Variants in DDX60L observed in about 807,000 individuals in gnomAD.
DDX60L encodes DExD/H-box 60 like.
Under a neutral mutation model 211.6 loss-of-function variants are expected in DDX60L, and 191 were observed. That is an observed-to-expected ratio of 0.90 (90% confidence interval 0.80 to 1.02). The LOEUF is 1.02. DDX60L is among the 50% of genes least tolerant of loss of function. DDX60L has a pLI of 0.00. For missense variants in DDX60L, 2,007 were observed against 1,984.1 expected (o/e 1.01, Z -0.22); for synonymous variants, 706 against 694.1 (o/e 1.02, Z -0.27).
Position 168,461,468 on chromosome 4 carries a change from C to G in DDX60L, c.606+231G>C, listed in dbSNP as rs147868469. 3.1e-3 allele frequency among the ~76,000 whole-genome samples: 469 copies of G among 152,156 alleles called. 22 individuals are homozygous for G. The East Asian group carries it at 0.081, about 26-fold the overall frequency. On this transcript the variant is annotated intron_variant, in intron 5 of 37. Coordinates refer to ENST00000682922, the MANE Select transcript of DDX60L (RefSeq NM_001012967.3). ...ATATGAATAGATAGATATAATAATG[C>G]TACAAACCTTATAGGAGTACCCTGA...
intron 13 of DDX60L, among the ~76,000 whole-genome samples, chr4:168,427,643 C>A (rs2149916388): frequency 6.6e-6 from 1 of 152,278 alleles, no homozygotes; most frequent in East Asian, 1.9e-4. Flanking sequence ...GATTGTAGGG[C>A]AGCTTCTTGG....
rs1749376992 is a variant in DDX60L, at chr4:168,415,425, C to G, written c.2962G>C (p.Ala988Pro). The change falls in exon 22 of 38, where the codon GCG becomes CCG. Residue 988 changes from alanine to proline, a missense_variant. Physicochemically the swap from Ala to Pro is conservative, Grantham distance 27. Coordinates refer to ENST00000682922, the MANE Select transcript of DDX60L (RefSeq NM_001012967.3). The part of the protein sequence containing the change: ...VYFDHFHPCA[A>P]LTTDIIEKYG... The stretch of plus-strand genomic sequence containing the variant: ...ATACTTACAATATCTGTCGTTAGCG[C>G]AGCACAGGGATGAAAATGATCAAAA... 1 of 1,603,364 alleles carries G rather than the reference C, an allele frequency of 6.2e-7. No individual in the cohort carries two copies. Among genetic ancestry groups the G allele is most frequent in the Non-Finnish European group, 8.5e-7 (1 of 1,174,444 alleles).
At chr4:168,443,766 C>G (rs1754312739) in intron 9 of DDX60L, among the ~76,000 whole-genome samples, 2 of 150,286 alleles carry the variant, frequency 1.3e-5, no homozygotes, top group African/African-American at 4.9e-5. Flanking sequence ...AATTTCATAT[C>G]CAGCCAAACT....
rs757111143 is a variant in DDX60L at position 168,379,361 on chromosome 4, AC to A, written c.4363+1del. ...GACTACAGGTATAAAACCCAAGCTT[AC>A]CTTTCCAGGCTGGCTTACAGAGATT... On this transcript the variant is annotated splice_donor_variant, in intron 32 of 37. Transcript: ENST00000682922. LOFTEE classifies it high-confidence loss of function. The A allele has an allele frequency of 6.4e-7, 1 of 1,557,322 alleles. No individual in the cohort carries two copies. The highest frequency in any genetic ancestry group is 8.6e-7 in the Non-Finnish European group (1 of 1,161,050).
intron 6 of DDX60L, among the ~76,000 whole-genome samples, chr4:168,457,036 C>G (rs1424703909): frequency 6.6e-6 from 1 of 151,784 alleles, no homozygotes; most frequent in African/African-American, 2.4e-5. Context: ...CAAAGTGAGA[C>G]ACCATCTCTA....
In DDX60L at chr4:168,415,676, T is replaced by C; in HGVS notation, c.2850A>G (p.Gln950=). Residue 950 remains glutamine, a synonymous_variant, in exon 21 of 38, where the codon CAA becomes CAG. Coordinates refer to ENST00000682922, the MANE Select transcript of DDX60L (RefSeq NM_001012967.3). ...NFLQDHSYKN[Q]SYEVRLVLCG... is the part of the protein sequence containing the mutation. Reference sequence around the variant, plus strand: ...GCTTACCAAGTCTAACTTCATATGATTGATTTTTATATGAATGGTCTTGGA... The same window carrying C: ...GCTTACCAAGTCTAACTTCATATGACTGATTTTTATATGAATGGTCTTGGA... The C allele has an allele frequency of 6.3e-7, 1 of 1,592,898 alleles. No individual in the cohort carries two copies. Among genetic ancestry groups the C allele is most frequent in the South Asian group, 1.2e-5 (1 of 85,730 alleles).
At chr4:168,412,475 G>A (rs544535885) in intron 22 of DDX60L, among the ~76,000 whole-genome samples, 9 of 152,132 alleles carry the variant, frequency 5.9e-5, no homozygotes, top group South Asian at 2.1e-4. Context: ...GGCCAGGGCC[G>A]CTGGTGGTCA....
chr4:168,472,529 A>C lies in DDX60L; in HGVS notation c.5-5T>G. 6.3e-7 allele frequency: 1 copy of C among 1,580,310 alleles called. No individual in the cohort carries two copies. The highest frequency in any genetic ancestry group is 8.6e-7 in the Non-Finnish European group (1 of 1,161,766). ...ATACTGCATGATCCTTTGACCCTAA[A>C]AATAAGGAGATTTTTTGAGCCATCA... On this transcript the variant is annotated splice_region_variant and splice_polypyrimidine_tract_variant and intron_variant, in intron 2 of 37. Coordinates refer to ENST00000682922, the MANE Select transcript of DDX60L (RefSeq NM_001012967.3).
At chr4:168,409,967 A>G (rs1248284209) in intron 22 of DDX60L, among the ~76,000 whole-genome samples, 1 of 152,200 alleles carries the variant, frequency 6.6e-6, no homozygotes. Context: ...ATAAATATTA[A>G]CAAGTGCCTG....
chr4:168,451,918 ATGAGT>A (rs1755859804), intron 8 of DDX60L, among the ~76,000 whole-genome samples: 1 of 152,152 alleles, frequency 6.6e-6, no homozygotes, highest in Non-Finnish European at 1.5e-5. Flanking sequence ...CCTTCAGACC[ATGAGT>A]CATTTCACTT....
intron 35 of DDX60L, among the ~76,000 whole-genome samples, chr4:168,372,655 A>C (rs937986629): frequency 6.6e-6 from 1 of 151,986 alleles, no homozygotes; most frequent in Non-Finnish European, 1.5e-5. Flanking sequence ...TGAGCCCCGG[A>C]AGTTGAGGAT....
chr4:168,476,570 A>G (rs1759520230), intron 1 of DDX60L, among the ~76,000 whole-genome samples: 1 of 152,238 alleles, frequency 6.6e-6, no homozygotes, highest in African/African-American at 2.4e-5. Context: ...AGAGAGAAAG[A>G]GGGAATCCTA....
At chr4:168,442,989 C>T (rs372670300) in intron 9 of DDX60L, among the ~76,000 whole-genome samples, 25 of 152,284 alleles carry the variant, frequency 1.6e-4, no homozygotes, top group Admixed American at 5.9e-4. Context: ...TCCAAAGGAA[C>T]GCAGTTCCTC....
At chr4:168,382,528 C>T (rs1467157582) in intron 30 of DDX60L, among the ~76,000 whole-genome samples, 2 of 151,482 alleles carry the variant, frequency 1.3e-5, no homozygotes, top group Non-Finnish European at 2.9e-5. Context: ...TACTGTTTTC[C>T]TCATTTTTAT....
At chr4:168,395,568 T>C (rs1261458842) in intron 27 of DDX60L, 2 of 156,122 alleles carry the variant, frequency 1.3e-5, no homozygotes, top group East Asian at 3.8e-4. Context: ...AATATCTGTT[T>C]AAAGAAATGT....
At position 168,406,665 on chromosome 4, in the gene DDX60L, A is replaced by T; in HGVS notation, c.3021T>A (p.Pro1007=). 1 of 1,607,496 alleles carries T rather than the reference A, an allele frequency of 6.2e-7. No homozygotes were observed. Among genetic ancestry groups the T allele is most frequent in the Non-Finnish European group, 8.5e-7 (1 of 1,177,024 alleles). ...YGFPPDLTLT[P]QESIQLYDTM... is the part of the protein sequence containing the mutation. ...TATCATAAAGCTGGATGCTTTCTTG[A>T]GGGGTGAGGGTAAGATCAGGTGGGA... The change falls in exon 23 of 38, where the codon CCT becomes CCA. Residue 1007 remains proline, a synonymous_variant. Transcript: ENST00000682922.
intron 13 of DDX60L, 78 bp from the exon 14 acceptor site, chr4:168,427,400 G>T: frequency 6.7e-7 from 1 of 1,483,332 alleles, no homozygotes; most frequent in South Asian, 1.3e-5. Context: ...ATTATTTTTT[G>T]TGCACTTACT....
At chr4:168,430,779 T>C in intron 12 of DDX60L, 141 bp from the exon 13 acceptor site, 1 of 587,336 alleles carries the variant, frequency 1.7e-6, no homozygotes, top group Non-Finnish European at 2.7e-6. Flanking sequence ...GCTAACAAAA[T>C]AATTCCCTAT....
chr4:168,427,070 C>T lies in DDX60L; in HGVS notation c.1930G>A (p.Gly644Ser), dbSNP rs761830540. Reference protein sequence around the residue: ...KAWKKHCRGEGKISKDLSIAV... With the variant: ...KAWKKHCRGESKISKDLSIAV... ...ATCCATAGAGTATGGAGTCCCATAC[C>T]TTCACCTCGGCAATGTTTTTTCCAT... Residue 644 changes from glycine to serine, a missense_variant and splice_region_variant, in exon 14 of 38, where the codon GGC becomes AGC. By Grantham distance (56) the Gly-to-Ser change is moderately conservative. Coordinates refer to ENST00000682922, the MANE Select transcript of DDX60L (RefSeq NM_001012967.3). 8 of 1,599,866 alleles carry T rather than the reference C, an allele frequency of 5.0e-6. No homozygotes were observed. The Admixed American group carries it at 1.4e-4, about 28-fold the overall frequency.
Sources: allele counts gnomAD v4.1 joint callset (sites outside exome capture counted in the v4.1 genomes callset), GRCh38; gene constraint gnomAD v4.1.1; transcripts MANE v1.5; gene names NCBI Gene and HGNC (gene_info 2026-07-23, HGNC 2026-07-21).